The following IQCJ variants were observed in gnomAD, a reference collection of about 807,000 sequenced individuals.
IQCJ encodes the protein IQ domain-containing protein J.
In IQCJ, 9 loss-of-function variants were observed where a neutral mutation model predicts 11.0. The observed-to-expected ratio is 0.82, with a 90% CI of 0.49 to 1.43. The LOEUF (loss-of-function observed/expected upper bound fraction) is 1.43. IQCJ is among the 40% of genes most tolerant of loss of function. The pLI is 0.00. For missense variants in IQCJ, 146 were observed against 133.2 expected, an observed-to-expected ratio of 1.10 and a Z score of -0.47; for synonymous variants, 55 against 51.3, an observed-to-expected ratio of 1.07 and a Z score of -0.31.
chr3:159,201,231 A>G (rs1379803197), intron 1 of IQCJ, among the ~76,000 whole-genome samples: 1 of 152,206 alleles, frequency 6.6e-6, no homozygotes, highest in Non-Finnish European at 1.5e-5. Context: ...TGTACTTACC[A>G]TGTACATATG....
chr3:159,087,190 C>G (rs1716846673), intron 1 of IQCJ, among the ~76,000 whole-genome samples: 1 of 152,056 alleles, frequency 6.6e-6, no homozygotes, highest in Non-Finnish European at 1.5e-5. Context: ...TGGTTTTTGT[C>G]TTTGGTTCTG....
intron 1 of IQCJ, among the ~76,000 whole-genome samples, chr3:159,137,287 G>C (rs2108172775): frequency 6.6e-6 from 1 of 151,348 alleles, no homozygotes; most frequent in South Asian, 2.1e-4. Flanking sequence ...AAGAAATACA[G>C]TAAGCTTTAG....
chr3:159,175,429 A>ATCAC (rs1722741829), intron 1 of IQCJ, among the ~76,000 whole-genome samples: 5 of 152,250 alleles, frequency 3.3e-5, no homozygotes, highest in Non-Finnish European at 7.4e-5. Context: ...TGTGATTATA[A>ATCAC]AACTTCACTC....
At chr3:159,213,675 A>G (rs954322809) in intron 1 of IQCJ, among the ~76,000 whole-genome samples, 4 of 152,200 alleles carry the variant, frequency 2.6e-5, no homozygotes, top group Admixed American at 2.6e-4. Context: ...ACTAGTCATA[A>G]TGCTATTTTG....
At chr3:159,160,704 C>A in intron 1 of IQCJ, among the ~76,000 whole-genome samples, 1 of 133,704 alleles carries the variant, frequency 7.5e-6, no homozygotes, top group Non-Finnish European at 1.6e-5. Flanking sequence ...CACAACTGTC[C>A]CCAGAGTGTG....
intron 1 of IQCJ, among the ~76,000 whole-genome samples, chr3:159,091,340 C>A (rs925134344): frequency 2.6e-5 from 4 of 151,736 alleles, no homozygotes; most frequent in African/African-American, 9.8e-5. Flanking sequence ...CACGGTTGGG[C>A]TCTTGTGAGG....
chr3:159,115,687 A>G (rs1047064445), intron 1 of IQCJ, among the ~76,000 whole-genome samples: 2 of 152,166 alleles, frequency 1.3e-5, no homozygotes, highest in Non-Finnish European at 2.9e-5. Context: ...GTCTCATGCA[A>G]TTGTCTTGTA....
In IQCJ at chr3:159,128,575, G is replaced by T. The variant is rs149726086; in HGVS notation, c.9+59134G>T. ...CCCACACTTTTTGTAGTGCTGATACGCATGCCCCTCGTTTCTAGACTGACC... is the reference window on the plus strand; with the variant it reads ...CCCACACTTTTTGTAGTGCTGATACTCATGCCCCTCGTTTCTAGACTGACC... On this transcript the variant is annotated intron_variant, in intron 1 of 3. Coordinates refer to ENST00000397832, the MANE Select transcript of IQCJ (RefSeq NM_001042706.3). 6.3e-3 allele frequency among the ~76,000 whole-genome samples: 959 copies of T among 152,168 alleles called. 5 individuals carry two copies. Among genetic ancestry groups the T allele is most frequent in the African/African-American group, 0.022 (917 of 41,516 alleles).
At chr3:159,078,048 A>G (rs917116072) in intron 1 of IQCJ, among the ~76,000 whole-genome samples, 6 of 100,610 alleles carry the variant, frequency 6.0e-5, no homozygotes, top group African/African-American at 1.7e-4. Context: ...ATACCTTAAC[A>G]TCAAGTCACA....
chr3:159,249,049 T>C (rs1727439306), intron 2 of IQCJ, among the ~76,000 whole-genome samples: 2 of 152,054 alleles, frequency 1.3e-5, no homozygotes, highest in Non-Finnish European at 2.9e-5. Flanking sequence ...AGAGACAGGG[T>C]TTCACCGTGT....
chr3:159,227,454 G>A (rs1725923628), intron 1 of IQCJ, among the ~76,000 whole-genome samples: 1 of 152,122 alleles, frequency 6.6e-6, no homozygotes, highest in Admixed American at 6.6e-5. Context: ...CCTTTAAGGG[G>A]ATATCCAAGA....
At chr3:159,180,325 A>ACACG (rs144288823) in intron 1 of IQCJ, among the ~76,000 whole-genome samples, 13 of 152,206 alleles carry the variant, frequency 8.5e-5, no homozygotes, top group African/African-American at 3.1e-4. Flanking sequence ...TCACACACAC[A>ACACG]TATACACACT....
At chr3:159,142,546 T>G (rs575199684) in intron 1 of IQCJ, among the ~76,000 whole-genome samples, 10 of 152,124 alleles carry the variant, frequency 6.6e-5, no homozygotes, top group African/African-American at 1.9e-4. Flanking sequence ...CTTCTCGAGT[T>G]GCTGGGATTA....
At chr3:159,226,676 G>A (rs1431874982) in intron 1 of IQCJ, among the ~76,000 whole-genome samples, 2 of 152,168 alleles carry the variant, frequency 1.3e-5, no homozygotes, top group Admixed American at 1.3e-4. Context: ...ATTTCAGGAT[G>A]CCCAATTGGG....
chr3:159,125,966 G>T (rs879641695), intron 1 of IQCJ, among the ~76,000 whole-genome samples: 9 of 152,208 alleles, frequency 5.9e-5, no homozygotes, highest in Admixed American at 2.6e-4. Flanking sequence ...AACTTGGGCT[G>T]GTCTGAGGTG....
chr3:159,122,541 A>G (rs1719437137), intron 1 of IQCJ, among the ~76,000 whole-genome samples: 1 of 152,110 alleles, frequency 6.6e-6, no homozygotes, highest in African/African-American at 2.4e-5. Flanking sequence ...GGAATAAGAC[A>G]TTTCTCATTT....
intron 1 of IQCJ, among the ~76,000 whole-genome samples, chr3:159,141,784 A>G (rs1242958271): frequency 1.3e-5 from 2 of 152,230 alleles, no homozygotes; most frequent in African/African-American, 2.4e-5. Flanking sequence ...AGGTACTCTG[A>G]TAAATCCTGC....
chr3:159,161,198 C>G (rs1325124254), intron 1 of IQCJ, among the ~76,000 whole-genome samples: 1 of 152,054 alleles, frequency 6.6e-6, no homozygotes, highest in Non-Finnish European at 1.5e-5. Context: ...CACCTGTTTC[C>G]TGACTTTTTA....
At chr3:159,258,359 G>A (rs911270359) in intron 3 of IQCJ, among the ~76,000 whole-genome samples, 2 of 152,186 alleles carry the variant, frequency 1.3e-5, no homozygotes, top group African/African-American at 4.8e-5. Context: ...CCTCTGGCTA[G>A]TCAGCCCGGG....
Sources: allele counts gnomAD v4.1 joint callset (sites outside exome capture counted in the v4.1 genomes callset), GRCh38; gene constraint gnomAD v4.1.1; transcripts MANE v1.5; gene names NCBI Gene and HGNC (gene_info 2026-07-23, HGNC 2026-07-21).